STOX2: variants seen among roughly 807,000 people sequenced by gnomAD.
The protein encoded by STOX2 is storkhead-box protein 2.
Under a neutral mutation model 60.9 loss-of-function variants are expected in STOX2, and 28 were observed. The ratio of observed to expected loss-of-function variants is 0.46; its 90% CI spans 0.34 to 0.63. The LOEUF is 0.63. STOX2 is among the 30% of genes least tolerant of loss of function. The pLI, the probability that STOX2 is intolerant of heterozygous loss-of-function variation, is 0.01. For missense variants in STOX2, 1,024 were observed against 1,187.7 expected, an observed-to-expected ratio of 0.86 and a Z score of 2.03; for synonymous variants, 472 against 463.9, an observed-to-expected ratio of 1.02 and a Z score of -0.22.
At chr4:183,834,280 C>A (rs1268446304) in intron 1 of STOX2, among the ~76,000 whole-genome samples, 1 of 152,156 alleles carries the variant, frequency 6.6e-6, no homozygotes, top group Non-Finnish European at 1.5e-5. Context: ...TATTCCCATG[C>A]TTCACACAGA....
chr4:184,011,499 T>G lies in STOX2; in HGVS notation c.2585+76T>G. 1.3e-6 allele frequency: 2 copies of G among 1,583,630 alleles called. No homozygotes were observed. Among genetic ancestry groups the G allele is most frequent in the South Asian group, 2.3e-5 (2 of 86,404 alleles). ...CTTTATGCACGTAACTTGACAAGTTTCTGATTTCGTAGTCTCAGTTCTATG... is the reference window on the plus strand; with the variant it reads ...CTTTATGCACGTAACTTGACAAGTTGCTGATTTCGTAGTCTCAGTTCTATG... On this transcript the variant is annotated intron_variant, in intron 3 of 3. Transcript: ENST00000308497. The surrounding 1 kb of genome is among the most constrained non-coding windows in gnomAD (Gnocchi z 4.4).
chr4:183,863,102 A>G (rs1207311079), intron 1 of STOX2, among the ~76,000 whole-genome samples: 2 of 152,194 alleles, frequency 1.3e-5, no homozygotes, highest in African/African-American at 4.8e-5. Flanking sequence ...TGTCTCCCAC[A>G]AGGTCATCTG....
At chr4:183,811,960 G>T (rs1269397875) in intron 1 of STOX2, among the ~76,000 whole-genome samples, 4 of 125,762 alleles carry the variant, frequency 3.2e-5, no homozygotes, top group African/African-American at 1.4e-4. Context: ...TTGAGACAGG[G>T]TCTCACTCTC....
At chr4:183,815,091 C>G (rs1446433540) in intron 1 of STOX2, among the ~76,000 whole-genome samples, 1 of 151,908 alleles carries the variant, frequency 6.6e-6, no homozygotes, top group Non-Finnish European at 1.5e-5. Context: ...CTGCCTGGCT[C>G]AGGTGATCCT....
At chr4:184,004,267 C>A (rs1733722524) in intron 2 of STOX2, among the ~76,000 whole-genome samples, 1 of 152,080 alleles carries the variant, frequency 6.6e-6, no homozygotes, top group Non-Finnish European at 1.5e-5. Flanking sequence ...TTTTGGGCAT[C>A]CATATTCTAA....
At position 183,834,128 on chromosome 4, in the gene STOX2, C is replaced by T. The variant is rs1449964584; in HGVS notation, c.364+36073C>T. 2.7e-5 allele frequency among the ~76,000 whole-genome samples: 4 copies of T among 150,214 alleles called. No homozygotes were observed. In the South Asian group the frequency reaches 6.2e-4, roughly 23 times the overall value. ...TTCTCCATCTATAGAATGGCTACAG[C>T]AGTGTTACTTGCTTCCCAGGAGAGG... On this transcript the variant is annotated intron_variant, in intron 1 of 2. Transcript: ENST00000513034.
intron 1 of STOX2, among the ~76,000 whole-genome samples, chr4:183,894,513 GTTATTC>G (rs1241110158): frequency 6.6e-6 from 1 of 150,770 alleles, no homozygotes; most frequent in Non-Finnish European, 1.5e-5. Context: ...GAGTTAAAAA[GTTATTC>G]TTAATAGTGT....
chr4:183,896,531 G>A (rs1470397774), intron 1 of STOX2, among the ~76,000 whole-genome samples: 3 of 152,082 alleles, frequency 2.0e-5, no homozygotes, highest in South Asian at 2.1e-4. Context: ...TCATAGAGAC[G>A]GGATCTTGTT....
chr4:184,007,030 AAAC>A lies in STOX2; in HGVS notation c.320-2125_320-2123del, dbSNP rs1471507984. ...GACTCTGTCTCAAAAAAAAAAAAAA[AAAC>A]AAAACAAAAAAAAAATTTTGTTATT... On this transcript the variant is annotated intron_variant, in intron 2 of 3. Coordinates refer to ENST00000308497, the MANE Select transcript of STOX2 (RefSeq NM_020225.3). 3.3e-4 allele frequency among the ~76,000 whole-genome samples: 23 copies of A among 69,376 alleles called. 1 individual carries two copies. The highest frequency in any genetic ancestry group is 1.1e-3 in the Admixed American group (7 of 6,134). The allele number at this position is 69,376 out of a possible 152,430, so 45.5% of individuals were successfully genotyped here.
intron 1 of STOX2, among the ~76,000 whole-genome samples, chr4:183,855,148 C>T (rs911396317): frequency 2.6e-5 from 4 of 152,152 alleles, no homozygotes; most frequent in Non-Finnish European, 2.9e-5. Flanking sequence ...CCACAGCTGT[C>T]GAATACGAGG....
chr4:183,982,145 C>T (rs915822804), intron 1 of STOX2, among the ~76,000 whole-genome samples: 6 of 152,292 alleles, frequency 3.9e-5, no homozygotes, highest in East Asian at 1.9e-4. Context: ...GGATTATATA[C>T]GATTAAGTGA....
Position 183,926,079 on chromosome 4 carries a change from C to T in STOX2, c.166+19123C>T, listed in dbSNP as rs150372657. On this transcript the variant is annotated intron_variant, in intron 1 of 3. Transcript: ENST00000308497. ...AAGTAATTCTGCATCCTTAATGACA[C>T]GAGTCTTTTTCGTTTTAAAAAAGAA... Among the ~76,000 whole-genome samples the T allele has an allele frequency of 3.3e-3, 499 of 152,130 alleles. No homozygotes were observed. The Middle Eastern group carries it at 0.037, about 11-fold the overall frequency.
At chr4:183,800,107 G>A (rs1289111247) in intron 1 of STOX2, among the ~76,000 whole-genome samples, 1 of 152,180 alleles carries the variant, frequency 6.6e-6, no homozygotes, top group Non-Finnish European at 1.5e-5. Context: ...TTCCAATTTT[G>A]CTTCAGTAAT....
chr4:183,985,029 G>T (rs114059176), intron 1 of STOX2, among the ~76,000 whole-genome samples: 2,207 of 152,262 alleles, frequency 0.014, 36 homozygotes, highest in Middle Eastern at 0.044. Context: ...AGATGAGCTT[G>T]TGGTGGTTTT....
At position 183,955,759 on chromosome 4, in the gene STOX2, G is replaced by GTT. The variant is rs796429215; in HGVS notation, c.167-45556_167-45555dup. 3.7e-3 allele frequency among the ~76,000 whole-genome samples: 544 copies of GTT among 148,700 alleles called. 16 individuals carry two copies. The highest frequency in any genetic ancestry group is 0.03 in the Admixed American group (453 of 14,870). ...TGTGCCTTGCATCCGCTTCTTTAAA[G>GTT]TTTTTTTTTTTCTAGTTTTTGCTTT... On this transcript the variant is annotated intron_variant, in intron 1 of 3. Coordinates refer to ENST00000308497, the MANE Select transcript of STOX2 (RefSeq NM_020225.3).
At chr4:183,967,656 G>T (rs1009107623) in intron 1 of STOX2, among the ~76,000 whole-genome samples, 15 of 152,056 alleles carry the variant, frequency 9.9e-5, no homozygotes, top group African/African-American at 3.6e-4. Context: ...TGTTTTGTTC[G>T]GGTTTCCTGC....
intron 1 of STOX2, among the ~76,000 whole-genome samples, chr4:183,844,946 A>T (rs1739952370): frequency 6.6e-6 from 1 of 152,218 alleles, no homozygotes; most frequent in African/African-American, 2.4e-5. Flanking sequence ...TCCTCATAAG[A>T]ATCTCATGAA....
intron 1 of STOX2, among the ~76,000 whole-genome samples, chr4:183,956,483 T>G (rs1743256505): frequency 6.6e-6 from 1 of 150,650 alleles, no homozygotes; most frequent in African/African-American, 2.4e-5. Context: ...TCTATCTATC[T>G]CTAGTATCTA....
chr4:183,896,983 C>T (rs1741352586), intron 1 of STOX2, among the ~76,000 whole-genome samples: 2 of 152,180 alleles, frequency 1.3e-5, no homozygotes, highest in Non-Finnish European at 2.9e-5. Flanking sequence ...AAGCAGTTCA[C>T]AAAGACATTG....
Sources: allele counts gnomAD v4.1 joint callset (sites outside exome capture counted in the v4.1 genomes callset), GRCh38; gene constraint gnomAD v4.1.1; non-coding constraint Gnocchi (gnomAD v3.1); transcripts MANE v1.5; gene names NCBI Gene and HGNC (gene_info 2026-07-23, HGNC 2026-07-21).